C1orf141: variants seen among roughly 807,000 people sequenced by gnomAD.
C1orf141 encodes chromosome 1 open reading frame 141, also known as uncharacterized protein C1orf141.
Under a neutral mutation model 23.2 loss-of-function variants are expected in C1orf141, and 19 were observed. The observed-to-expected ratio is 0.82, with a 90% CI of 0.57 to 1.20. The LOEUF (loss-of-function observed/expected upper bound fraction) is 1.20. Among genes scored for constraint, C1orf141 ranks in the 50% most tolerant of loss-of-function variants. The probability of loss-of-function intolerance (pLI) is 0.00; values close to 1 mark genes in which losing one functional copy is unlikely to be tolerated. For synonymous variants in C1orf141, 153 were observed against 154.6 expected (o/e 0.99, Z 0.08); for missense variants, 469 against 455.1 (o/e 1.03, Z -0.28).
intron 4 of C1orf141, among the ~76,000 whole-genome samples, chr1:67,118,492 C>T (rs922605048): frequency 6.6e-6 from 1 of 152,138 alleles, no homozygotes; most frequent in Admixed American, 6.6e-5. Flanking sequence ...TGCTGATTTG[C>T]CCCATGTCAA....
intron 4 of C1orf141, among the ~76,000 whole-genome samples, chr1:67,118,529 A>G (rs1200431985): frequency 2.0e-5 from 3 of 152,206 alleles, no homozygotes; most frequent in Non-Finnish European, 4.4e-5. Flanking sequence ...ATAAGCAAGT[A>G]AAGTAGACAC....
At chr1:67,140,650 A>G (rs756090591) in intron 1 of C1orf141, among the ~76,000 whole-genome samples, 36 of 152,196 alleles carry the variant, frequency 2.4e-4, no homozygotes, top group Non-Finnish European at 4.7e-4. Context: ...TTAATCTTTG[A>G]CTCAGCAGTT....
intron 5 of C1orf141, among the ~76,000 whole-genome samples, chr1:67,112,222 T>C (rs1245178934): frequency 6.6e-6 from 1 of 152,220 alleles, no homozygotes; most frequent in Non-Finnish European, 1.5e-5. Context: ...ATAGCACTTA[T>C]AGAAATACTT....
intron 1 of C1orf141, among the ~76,000 whole-genome samples, chr1:67,134,160 T>A (rs1046849211): frequency 3.3e-5 from 5 of 152,130 alleles, no homozygotes; most frequent in African/African-American, 1.2e-4. Flanking sequence ...CCCACCACCA[T>A]GCCCGGCTAA....
In C1orf141 at chr1:67,093,369, A is replaced by G; in HGVS notation, c.839T>C (p.Ile280Thr). Residue 280 changes from isoleucine to threonine, a missense_variant, in exon 8 of 8, where the codon ATA becomes ACA. Physicochemically the swap from Ile to Thr is moderately conservative, Grantham distance 89 (BLOSUM62 -1). Transcript: ENST00000684719. ...KTMPTVQRKD[I>T]QIPMSFKAGH... ...CGCTTTAAAAGACATAGGGATCTGTATATCTTTTCTCTGTACTGTAGGCAT... is the reference window on the plus strand; with the variant it reads ...CGCTTTAAAAGACATAGGGATCTGTGTATCTTTTCTCTGTACTGTAGGCAT... 2 of 1,613,912 alleles carry G rather than the reference A, an allele frequency of 1.2e-6. No individual in the cohort carries two copies. The highest frequency in any genetic ancestry group is 1.1e-5 in the South Asian group (1 of 91,060).
chr1:67,100,671 T>G (rs922466591), intron 5 of C1orf141, among the ~76,000 whole-genome samples: 1 of 152,188 alleles, frequency 6.6e-6, no homozygotes, highest in Non-Finnish European at 1.5e-5. Flanking sequence ...TTGTTCTTAT[T>G]TTTCTTTCTG....
At chr1:67,116,553 AC>A (rs1406200973) in intron 4 of C1orf141, among the ~76,000 whole-genome samples, 3 of 151,792 alleles carry the variant, frequency 2.0e-5, no homozygotes, top group Non-Finnish European at 4.4e-5. Flanking sequence ...ATTTCCTTCA[AC>A]TGTTTCCTAT....
At chr1:67,136,032 C>T (rs1199823679), upstream of C1orf141, among the ~76,000 whole-genome samples, 1 of 147,506 alleles carries the variant, frequency 6.8e-6, no homozygotes, top group Non-Finnish European at 1.5e-5. Context: ...AACAAAAATA[C>T]AATCATTAAA....
At position 67,093,220 on chromosome 1, in the gene C1orf141, C is replaced by A; in HGVS notation, c.988G>T (p.Gly330Cys). ...TGAATAACAGCTTTATCAAGGTAAC[C>A]CACAAATTGTTTTGTTAGGCTAGAA... ...NFSSLTKQFV[G>C]YLDKAVIHEM... The change falls in exon 8 of 8, where the codon GGT becomes TGT. Residue 330 changes from glycine (G) to cysteine (C), a missense_variant. This residue lies in a region of C1orf141 where 370 missense variants were observed against 348.1 expected (regional missense o/e 1.06). Coordinates refer to ENST00000684719, the MANE Select transcript of C1orf141 (RefSeq NM_001276351.2). 1.2e-6 allele frequency: 2 copies of A among 1,613,806 alleles called. No homozygotes were observed. Among genetic ancestry groups the A allele is most frequent in the Middle Eastern group, 3.3e-4 (2 of 6,056 alleles).
chr1:67,119,486 T>A (rs896943945), intron 4 of C1orf141, among the ~76,000 whole-genome samples: 3 of 152,112 alleles, frequency 2.0e-5, no homozygotes, highest in African/African-American at 7.2e-5. Context: ...GAAGATGAAA[T>A]TATTAAGGAA....
At chr1:67,107,027 G>A (rs1285938235) in intron 5 of C1orf141, among the ~76,000 whole-genome samples, 1 of 152,144 alleles carries the variant, frequency 6.6e-6, no homozygotes, top group African/African-American at 2.4e-5. Flanking sequence ...ATTGCTGAAA[G>A]CAAAAATTAT....
intron 5 of C1orf141, chr1:67,103,486 T>C (rs988605670): frequency 3.9e-5 from 23 of 591,984 alleles, no homozygotes; most frequent in Non-Finnish European, 5.6e-5. Context: ...TATTGAATTA[T>C]GATAACTAAC....
chr1:67,099,086 A>G (rs1490565467), intron 5 of C1orf141, among the ~76,000 whole-genome samples: 1 of 152,226 alleles, frequency 6.6e-6, no homozygotes, highest in Non-Finnish European at 1.5e-5. Context: ...AGAGATAATA[A>G]CCAATAATTC....
intron 5 of C1orf141, among the ~76,000 whole-genome samples, chr1:67,097,324 G>A (rs1202871767): frequency 6.6e-6 from 1 of 152,194 alleles, no homozygotes; most frequent in East Asian, 1.9e-4. Flanking sequence ...TACCATGGAA[G>A]AATATAAACA....
intron 2 of C1orf141, among the ~76,000 whole-genome samples, chr1:67,130,069 A>G (rs1047701097): frequency 5.9e-5 from 9 of 152,212 alleles, no homozygotes; most frequent in Non-Finnish European, 1.3e-4. Flanking sequence ...TTACAGGACA[A>G]TAGGGGACAG....
At chr1:67,130,530 C>A (rs1478924317) in intron 2 of C1orf141, among the ~76,000 whole-genome samples, 1 of 152,182 alleles carries the variant, frequency 6.6e-6, no homozygotes, top group Non-Finnish European at 1.5e-5. Flanking sequence ...ATTATACACA[C>A]ACACATACGC....
chr1:67,131,841 G>T (rs1646521814), intron 1 of C1orf141, among the ~76,000 whole-genome samples: 1 of 148,560 alleles, frequency 6.7e-6, no homozygotes, highest in Non-Finnish European at 1.5e-5. Context: ...CTGGAGTGCG[G>T]TGGCACAATC....
intron 5 of C1orf141, chr1:67,103,461 T>C (rs2102433884): frequency 1.2e-6 from 1 of 807,398 alleles, no homozygotes; most frequent in Admixed American, 3.8e-5. Flanking sequence ...TATGCTTGAG[T>C]ATTCACATTT....
At chr1:67,101,462 G>A (rs1183645467) in intron 5 of C1orf141, among the ~76,000 whole-genome samples, 1 of 150,540 alleles carries the variant, frequency 6.6e-6, no homozygotes, top group Non-Finnish European at 1.5e-5. Context: ...GTGTGTGTGT[G>A]TGTGTGTGTG....
Sources: allele counts gnomAD v4.1 joint callset (sites outside exome capture counted in the v4.1 genomes callset), GRCh38; gene constraint gnomAD v4.1.1; regional missense constraint gnomAD v4.1.1; transcripts MANE v1.5; gene names NCBI Gene and HGNC (gene_info 2026-07-23, HGNC 2026-07-21).